The following MACROD2 variants were observed in gnomAD, a reference collection of about 807,000 sequenced individuals.
MACROD2 encodes mono-ADP ribosylhydrolase 2.
MACROD2 carries 36 observed loss-of-function variants against 70.4 expected under a neutral mutation model. The observed-to-expected ratio is 0.51, with a 90% CI of 0.39 to 0.68. MACROD2 has a LOEUF of 0.68. Ranked by LOEUF, MACROD2 falls within the 30% of genes least tolerant of loss-of-function variation. MACROD2 has a pLI of 0.00. For missense variants in MACROD2, 496 were observed against 538.4 expected, an observed-to-expected ratio of 0.92 and a Z score of 0.78; for synonymous variants, 172 against 178.8, an observed-to-expected ratio of 0.96 and a Z score of 0.30.
intron 5 of MACROD2, among the ~76,000 whole-genome samples, chr20:15,190,871 C>A (rs577112797): frequency 2.8e-4 from 43 of 152,220 alleles, no homozygotes; most frequent in African/African-American, 1.0e-3. Flanking sequence ...GAACTATTGA[C>A]CCCTCATGTT....
At chr20:14,309,817 T>C (rs80027336) in intron 3 of MACROD2, among the ~76,000 whole-genome samples, 2,255 of 152,286 alleles carry the variant, frequency 0.015, 34 homozygotes, top group Non-Finnish European at 0.021. Flanking sequence ...AAATTAATAA[T>C]GAACTATGTT....
chr20:15,235,019 A>T (rs2077001540), intron 6 of MACROD2, among the ~76,000 whole-genome samples: 1 of 152,202 alleles, frequency 6.6e-6, no homozygotes, highest in African/African-American at 2.4e-5. Flanking sequence ...TACAAAAAGT[A>T]TCACAGCAAT....
chr20:15,608,135 G>A (rs17694826), intron 8 of MACROD2, among the ~76,000 whole-genome samples: 14,190 of 152,064 alleles, frequency 0.093, 874 homozygotes, highest in Non-Finnish European at 0.13. Flanking sequence ...TGTAGATTGC[G>A]AGATATAAGC....
intron 2 of MACROD2, among the ~76,000 whole-genome samples, chr20:14,021,247 C>T (rs1236616253): frequency 6.6e-6 from 1 of 152,204 alleles, no homozygotes; most frequent in Non-Finnish European, 1.5e-5. Context: ...CCTTCGCCTC[C>T]CAAAGTGCTG....
intron 8 of MACROD2, among the ~76,000 whole-genome samples, chr20:15,595,216 T>A (rs1359990826): frequency 6.6e-6 from 1 of 152,228 alleles, no homozygotes; most frequent in Non-Finnish European, 1.5e-5. Context: ...AGTGTGACTG[T>A]ACATAATACT....
intron 5 of MACROD2, among the ~76,000 whole-genome samples, chr20:14,771,688 A>C (rs1163802769): frequency 6.8e-6 from 1 of 147,128 alleles, no homozygotes; most frequent in African/African-American, 2.6e-5. Flanking sequence ...TATATATTTA[A>C]ACATATATGT....
At chr20:14,965,466 T>TA (rs1352606652) in intron 5 of MACROD2, among the ~76,000 whole-genome samples, 4 of 132,194 alleles carry the variant, frequency 3.0e-5, no homozygotes, top group Non-Finnish European at 6.5e-5. Flanking sequence ...TTTTTTTTTT[T>TA]TTTTTTTTTT....
intron 8 of MACROD2, among the ~76,000 whole-genome samples, chr20:15,660,442 C>T (rs550356684): frequency 7.9e-5 from 12 of 152,144 alleles, no homozygotes; most frequent in African/African-American, 2.9e-4. Flanking sequence ...TGGAAAGCCA[C>T]GTAGTTTTTC....
intron 7 of MACROD2, among the ~76,000 whole-genome samples, chr20:15,442,186 A>G (rs2046504501): frequency 6.6e-6 from 1 of 152,174 alleles, no homozygotes; most frequent in South Asian, 2.1e-4. Context: ...GGTCTTAGAG[A>G]AGTCAAATGT....
intron 5 of MACROD2, among the ~76,000 whole-genome samples, chr20:14,925,453 C>A (rs1156349326): frequency 6.6e-6 from 1 of 152,126 alleles, no homozygotes; most frequent in African/African-American, 2.4e-5. Context: ...GAAGGCATGA[C>A]TTAATCATCA....
chr20:14,466,986 C>A (rs1296511874), intron 3 of MACROD2, among the ~76,000 whole-genome samples: 1 of 152,134 alleles, frequency 6.6e-6, no homozygotes, highest in Non-Finnish European at 1.5e-5. Flanking sequence ...GGGTTGGGGA[C>A]CCACTTGAGG....
intron 5 of MACROD2, among the ~76,000 whole-genome samples, chr20:14,883,564 C>A (rs1473640319): frequency 6.6e-6 from 1 of 151,284 alleles, no homozygotes; most frequent in African/African-American, 2.4e-5. Flanking sequence ...TGAATACTAG[C>A]ACTTGAAATG....
At chr20:15,546,616 ACACT>A (rs2048029361) in intron 8 of MACROD2, among the ~76,000 whole-genome samples, 1 of 152,238 alleles carries the variant, frequency 6.6e-6, no homozygotes, top group South Asian at 2.1e-4. Flanking sequence ...ATTGAAATGG[ACACT>A]CAAAGCACAT....
At chr20:14,234,918 G>C (rs1322228888) in intron 3 of MACROD2, among the ~76,000 whole-genome samples, 1 of 152,080 alleles carries the variant, frequency 6.6e-6, no homozygotes, top group Non-Finnish European at 1.5e-5. Context: ...TGCTATTTTA[G>C]TGCATCATTA....
At chr20:14,864,129 G>C (rs558984879) in intron 5 of MACROD2, among the ~76,000 whole-genome samples, 1 of 152,162 alleles carries the variant, frequency 6.6e-6, no homozygotes, top group South Asian at 2.1e-4. Context: ...AATTTAAAAA[G>C]TTTCCATTTT....
At chr20:14,384,796 G>T (rs2083454295) in intron 3 of MACROD2, among the ~76,000 whole-genome samples, 1 of 152,100 alleles carries the variant, frequency 6.6e-6, no homozygotes, top group Admixed American at 6.5e-5. Flanking sequence ...TTTGCTAAGT[G>T]AAATTAAACA....
At chr20:15,118,421 G>C (rs1425931121) in intron 5 of MACROD2, among the ~76,000 whole-genome samples, 2 of 151,978 alleles carry the variant, frequency 1.3e-5, no homozygotes, top group Admixed American at 1.3e-4. Flanking sequence ...TTGATCTCTT[G>C]ACCTCATGAT....
chr20:16,047,777 G>A (rs1307009928), intron 17 of MACROD2, among the ~76,000 whole-genome samples: 2 of 152,136 alleles, frequency 1.3e-5, no homozygotes, highest in African/African-American at 2.4e-5. Context: ...CTAAATTTGG[G>A]GCTTTAGATT....
At chr20:15,963,329 A>G (rs2066091415) in intron 12 of MACROD2, among the ~76,000 whole-genome samples, 1 of 152,168 alleles carries the variant, frequency 6.6e-6, no homozygotes, top group African/African-American at 2.4e-5. Context: ...ACCTGCTGTC[A>G]TCACTCTGAA....
Sources: allele counts gnomAD v4.1 joint callset (sites outside exome capture counted in the v4.1 genomes callset), GRCh38; gene constraint gnomAD v4.1.1; transcripts MANE v1.5; gene names NCBI Gene and HGNC (gene_info 2026-07-23, HGNC 2026-07-21).